RBMS3: variants seen among roughly 807,000 people sequenced by gnomAD.
The protein encoded by RBMS3 is RNA binding motif single stranded interacting protein 3.
Under a neutral mutation model 66.8 loss-of-function variants are expected in RBMS3, and 27 were observed. The observed-to-expected ratio is 0.40, with a 90% confidence interval of 0.30 to 0.56. The LOEUF (loss-of-function observed/expected upper bound fraction) is 0.56. Among genes scored for constraint, RBMS3 ranks in the 20% least tolerant of loss-of-function variants. The probability of loss-of-function intolerance (pLI) is 0.40; values close to 1 mark genes in which losing one functional copy is unlikely to be tolerated. For synonymous variants in RBMS3, 188 were observed against 183.0 expected (o/e 1.03, Z -0.22); for missense variants, 513 against 549.5 (o/e 0.93, Z 0.66).
chr3:29,489,548 C>A (rs1347289830), intron 3 of RBMS3, among the ~76,000 whole-genome samples: 1 of 150,596 alleles, frequency 6.6e-6, no homozygotes, highest in African/African-American at 2.4e-5. Flanking sequence ...ACTATATCAC[C>A]TTAATATATG....
At chr3:29,478,342 T>C (rs1172888653) in intron 2 of RBMS3, among the ~76,000 whole-genome samples, 1 of 152,164 alleles carries the variant, frequency 6.6e-6, no homozygotes, top group African/African-American at 2.4e-5. Flanking sequence ...CATTGTCTAA[T>C]GAGGGCCCCA....
intron 3 of RBMS3, among the ~76,000 whole-genome samples, chr3:29,560,214 A>T (rs1359671689): frequency 6.6e-6 from 1 of 152,208 alleles, no homozygotes; most frequent in Non-Finnish European, 1.5e-5. Context: ...TGTATTTCCA[A>T]ACAAATATTG....
intron 4 of RBMS3, among the ~76,000 whole-genome samples, chr3:29,733,876 G>C (rs1263096299): frequency 6.6e-6 from 1 of 151,970 alleles, no homozygotes; most frequent in Non-Finnish European, 1.5e-5. Flanking sequence ...TTACAGTTTG[G>C]GGGTCTTACA....
intron 6 of RBMS3, among the ~76,000 whole-genome samples, chr3:29,866,819 A>G (rs949512915): frequency 1.3e-5 from 2 of 152,132 alleles, no homozygotes; most frequent in African/African-American, 4.8e-5. Flanking sequence ...CTCTTGTGTG[A>G]TTTTCCTGGC....
chr3:29,396,145 T>C (rs2039538596), intron 1 of RBMS3, among the ~76,000 whole-genome samples: 1 of 152,180 alleles, frequency 6.6e-6, no homozygotes, highest in South Asian at 2.1e-4. Context: ...ATCATGTGCC[T>C]ATGGATATGA....
intron 3 of RBMS3, among the ~76,000 whole-genome samples, chr3:29,535,976 T>C (rs2045543186): frequency 6.6e-6 from 1 of 152,112 alleles, no homozygotes; most frequent in South Asian, 2.1e-4. Flanking sequence ...GTACTAATCT[T>C]ACTCCTCTTT....
chr3:29,448,174 A>C (rs2041898343), intron 2 of RBMS3, among the ~76,000 whole-genome samples: 1 of 152,218 alleles, frequency 6.6e-6, no homozygotes, highest in Non-Finnish European at 1.5e-5. Context: ...GTTTTATTGC[A>C]TATTAGGTGT....
At chr3:29,360,003 G>A (rs1056710850) in intron 1 of RBMS3, among the ~76,000 whole-genome samples, 8 of 151,898 alleles carry the variant, frequency 5.3e-5, no homozygotes, top group African/African-American at 1.9e-4. Context: ...ACCAGCTCCT[G>A]GATTCATTGA....
intron 1 of RBMS3, among the ~76,000 whole-genome samples, chr3:29,332,502 A>C (rs1001184946): frequency 6.6e-6 from 1 of 152,166 alleles, no homozygotes; most frequent in Non-Finnish European, 1.5e-5. Flanking sequence ...CCTGAATATA[A>C]TGTGGAATTA....
intron 4 of RBMS3, among the ~76,000 whole-genome samples, chr3:29,638,502 T>C (rs886427306): frequency 1.3e-5 from 2 of 151,870 alleles, no homozygotes; most frequent in Non-Finnish European, 2.9e-5. Context: ...CTCTCACAGC[T>C]GAAAAATTAC....
intron 1 of RBMS3, among the ~76,000 whole-genome samples, chr3:29,393,181 C>G (rs1443560667): frequency 6.6e-6 from 1 of 152,102 alleles, no homozygotes; most frequent in African/African-American, 2.4e-5. Flanking sequence ...ACAGATATAG[C>G]CCATCTCTAT....
intron 4 of RBMS3, among the ~76,000 whole-genome samples, chr3:29,661,295 A>T (rs546297160): frequency 6.6e-6 from 1 of 152,196 alleles, no homozygotes; most frequent in Admixed American, 6.5e-5. Flanking sequence ...CCTTCCCAGA[A>T]TCCCCTATCT....
chr3:29,287,941 G>T (rs552909280), intron 1 of RBMS3, among the ~76,000 whole-genome samples: 1 of 151,952 alleles, frequency 6.6e-6, no homozygotes, highest in East Asian at 1.9e-4. Flanking sequence ...GTTGATATTG[G>T]CAGATAATCT....
chr3:29,986,036 C>A (rs1432075936), intron 12 of RBMS3, among the ~76,000 whole-genome samples: 1 of 152,062 alleles, frequency 6.6e-6, no homozygotes, highest in Non-Finnish European at 1.5e-5. Flanking sequence ...TCCTCTTATG[C>A]AAAGGATACA....
intron 4 of RBMS3, among the ~76,000 whole-genome samples, chr3:29,724,446 T>C (rs750856929): frequency 6.6e-6 from 1 of 152,162 alleles, no homozygotes; most frequent in Non-Finnish European, 1.5e-5. Context: ...TCTAAGGTTA[T>C]TAGTATTATT....
chr3:29,675,298 T>C (rs577085722), intron 4 of RBMS3, among the ~76,000 whole-genome samples: 21 of 152,272 alleles, frequency 1.4e-4, no homozygotes, highest in Middle Eastern at 3.4e-3. Context: ...AAGACTTAAA[T>C]GTTAGACTTA....
At chr3:29,624,157 C>T (rs1307149980) in intron 4 of RBMS3, among the ~76,000 whole-genome samples, 1 of 152,116 alleles carries the variant, frequency 6.6e-6, no homozygotes, top group Admixed American at 6.5e-5. Flanking sequence ...GTACATGAGT[C>T]CCAAGGAAAC....
intron 8 of RBMS3, among the ~76,000 whole-genome samples, chr3:29,891,925 A>C (rs1409886984): frequency 2.0e-5 from 3 of 151,576 alleles, no homozygotes; most frequent in Non-Finnish European, 4.4e-5. Flanking sequence ...GCCTGTGGAC[A>C]TGAAACACAA....
intron 10 of RBMS3, among the ~76,000 whole-genome samples, chr3:29,934,905 A>G (rs2061226329): frequency 6.6e-6 from 1 of 152,104 alleles, no homozygotes; most frequent in African/African-American, 2.4e-5. Context: ...AGTTTGAGCA[A>G]AAGCATTTTA....
Sources: allele counts gnomAD v4.1 joint callset (sites outside exome capture counted in the v4.1 genomes callset), GRCh38; gene constraint gnomAD v4.1.1; transcripts MANE v1.5; gene names NCBI Gene and HGNC (gene_info 2026-07-23, HGNC 2026-07-21).